ATG16L1: variants seen among roughly 807,000 people sequenced by gnomAD.
ATG16L1 encodes the protein autophagy related 16 like 1.
In ATG16L1, 37 loss-of-function variants were observed where a neutral mutation model predicts 88.5. The ratio of observed to expected loss-of-function variants is 0.42; its 90% CI spans 0.32 to 0.55. The LOEUF is 0.55. ATG16L1 is among the 20% of genes least tolerant of loss of function. The pLI is 0.13. For missense variants in ATG16L1, 554 were observed against 752.8 expected (o/e 0.74, Z 3.09); for synonymous variants, 301 against 281.0 (o/e 1.07, Z -0.71).
chr2:233,258,979 C>T (rs1022062226), intron 2 of ATG16L1, among the ~76,000 whole-genome samples: 3 of 152,188 alleles, frequency 2.0e-5, no homozygotes, highest in African/African-American at 7.2e-5. Flanking sequence ...GGTTTACAGG[C>T]ATGAGCCACC....
intron 6 of ATG16L1, among the ~76,000 whole-genome samples, chr2:233,271,003 A>G (rs1279188505): frequency 6.6e-6 from 1 of 152,230 alleles, no homozygotes; most frequent in South Asian, 2.1e-4. Flanking sequence ...TTCCCATATC[A>G]TGCCTTTGCT....
chr2:233,269,653 G>C (rs905100604), intron 5 of ATG16L1, among the ~76,000 whole-genome samples: 47 of 152,192 alleles, frequency 3.1e-4, no homozygotes, highest in African/African-American at 1.1e-3. Flanking sequence ...ACTATTTGCT[G>C]CAGAAAACTT....
intron 12 of ATG16L1, among the ~76,000 whole-genome samples, chr2:233,289,309 T>C: frequency 6.6e-6 from 1 of 151,788 alleles, no homozygotes; most frequent in Admixed American, 6.6e-5. Context: ...AAGATAGGCT[T>C]CCTATGAGAT....
intron 5 of ATG16L1, among the ~76,000 whole-genome samples, chr2:233,265,560 C>A (rs1409937501): frequency 2.0e-5 from 3 of 152,168 alleles, no homozygotes; most frequent in Non-Finnish European, 4.4e-5. Context: ...ACCTCCACCT[C>A]CCGGGGTCAA....
At chr2:233,289,703 C>G (rs2125295455) in intron 12 of ATG16L1, 151 bp from the exon 13 acceptor site, 2 of 1,039,440 alleles carry the variant, frequency 1.9e-6, no homozygotes, top group East Asian at 5.1e-5. Context: ...GTTTCTTTTT[C>G]CTTTGCTGTC....
intron 13 of ATG16L1, 121 bp from the exon 14 acceptor site, chr2:233,290,127 C>A (rs904332373): frequency 2.7e-6 from 4 of 1,507,554 alleles, no homozygotes. Context: ...GATAGTTTTT[C>A]TTGTTTAAAG....
chr2:233,288,675 A>G (rs1699245102), intron 12 of ATG16L1: 1 of 489,640 alleles, frequency 2.0e-6, no homozygotes, highest in South Asian at 1.5e-5. Flanking sequence ...CACTGCATAG[A>G]GGTCAATGAT....
intron 12 of ATG16L1, 75 bp downstream of exon 12, chr2:233,282,828 C>T (rs1481972434): frequency 1.3e-5 from 18 of 1,346,110 alleles, no homozygotes; most frequent in Non-Finnish European, 1.9e-5. Context: ...CTGGCAGGTG[C>T]TTAATTAGGG....
intron 12 of ATG16L1, among the ~76,000 whole-genome samples, chr2:233,287,342 T>C (rs1699153734): frequency 6.6e-6 from 1 of 152,214 alleles, no homozygotes; most frequent in African/African-American, 2.4e-5. Flanking sequence ...CATGTTCCTG[T>C]GAAGTATGTA....
intron 4 of ATG16L1, 60 bp downstream of exon 4, chr2:233,264,125 C>A: frequency 6.3e-7 from 1 of 1,578,920 alleles, no homozygotes; most frequent in Non-Finnish European, 8.7e-7. Context: ...CTTTGTTCTG[C>A]TGACCTCTTG....
chr2:233,256,258 G>A (rs188179834), intron 2 of ATG16L1, 63 bp downstream of exon 2: 10 of 1,358,260 alleles, frequency 7.4e-6, no homozygotes, highest in Non-Finnish European at 6.2e-6. Context: ...CAGTTCAGTT[G>A]TCACTTCTCT....
intron 9 of ATG16L1, chr2:233,275,417 G>C (rs1209582621): frequency 9.8e-6 from 3 of 307,202 alleles, no homozygotes; most frequent in Non-Finnish European, 1.9e-5. Flanking sequence ...ACAAAGAACA[G>C]AACCTGGAGA....
chr2:233,268,478 T>G (rs1421609544), intron 5 of ATG16L1, among the ~76,000 whole-genome samples: 3 of 152,194 alleles, frequency 2.0e-5, no homozygotes, highest in Non-Finnish European at 4.4e-5. Context: ...AGACCTTTCC[T>G]TTCAGCTATA....
chr2:233,263,985 C>G lies in ATG16L1; in HGVS notation c.316-7C>G. On this transcript the variant is annotated splice_polypyrimidine_tract_variant and splice_region_variant and intron_variant, in intron 3 of 17. Transcript: ENST00000392017. Reference sequence around the variant, plus strand: ...TATTTATGAAAGTATTCTTCTTTATCTCCCAGTTAGCTCAACTGGTGATTG... The same window carrying G: ...TATTTATGAAAGTATTCTTCTTTATGTCCCAGTTAGCTCAACTGGTGATTG... 6.2e-7 allele frequency: 1 copy of G among 1,613,372 alleles called. No homozygotes were observed. The highest frequency in any genetic ancestry group is 1.1e-5 in the South Asian group (1 of 91,034).
chr2:233,258,504 A>G (rs988633677), intron 2 of ATG16L1, among the ~76,000 whole-genome samples: 1 of 152,196 alleles, frequency 6.6e-6, no homozygotes, highest in Non-Finnish European at 1.5e-5. Flanking sequence ...AGTACTTAAG[A>G]TATTAGTTTT....
intron 5 of ATG16L1, chr2:233,266,286 C>T (rs1428239280): frequency 1.3e-5 from 2 of 152,208 alleles, no homozygotes; most frequent in Non-Finnish European, 2.9e-5. Context: ...TAGTGAGACT[C>T]CATCTGTACA....
chr2:233,290,493 G>A (rs1699389702), intron 14 of ATG16L1, 140 bp downstream of exon 14: 1 of 691,456 alleles, frequency 1.4e-6, no homozygotes, highest in Admixed American at 2.4e-5. Flanking sequence ...ATTAACACTT[G>A]GCTGTTCTTT....
intron 2 of ATG16L1, among the ~76,000 whole-genome samples, chr2:233,258,596 TTCTA>T (rs1212674923): frequency 2.6e-5 from 4 of 152,380 alleles, no homozygotes; most frequent in African/African-American, 7.2e-5. Context: ...CTAAAAACAT[TTCTA>T]TCTGATTAAA....
chr2:233,281,135 G>T lies in ATG16L1; in HGVS notation c.1091G>T (p.Gly364Val). Residue 364 changes from glycine to valine, a missense_variant, in exon 11 of 18, where the codon GGC (glycine) becomes GTC (valine). Physicochemically the swap from Gly to Val is moderately radical, Grantham distance 109. Transcript: ENST00000392017. ...EKCEFKGSLS[G>V]SNAGITSIEF... Reference sequence around the variant, plus strand: ...TGTGAGTTCAAGGGTTCCCTATCTGGCAGTAATGCAGGAATTACAAGCATT... The same window carrying T: ...TGTGAGTTCAAGGGTTCCCTATCTGTCAGTAATGCAGGAATTACAAGCATT... 1 of 1,603,086 alleles carries T rather than the reference G, an allele frequency of 6.2e-7. No homozygotes were observed. The highest frequency in any genetic ancestry group is 8.5e-7 in the Non-Finnish European group (1 of 1,176,828).
Sources: allele counts gnomAD v4.1 joint callset (sites outside exome capture counted in the v4.1 genomes callset), GRCh38; gene constraint gnomAD v4.1.1; transcripts MANE v1.5; gene names NCBI Gene and HGNC (gene_info 2026-07-23, HGNC 2026-07-21).